The following DTNB variants were observed in gnomAD, a reference collection of about 807,000 sequenced individuals.
DTNB encodes DTN-B.
In DTNB, 63 loss-of-function variants were observed where a neutral mutation model predicts 90.7. The observed-to-expected ratio is 0.69, with a 90% confidence interval of 0.57 to 0.86. DTNB has a LOEUF of 0.86. DTNB is among the 40% of genes least tolerant of loss of function. The probability of loss-of-function intolerance (pLI) is 0.00; values close to 1 mark genes in which losing one functional copy is unlikely to be tolerated. For missense variants in DTNB, 744 were observed against 807.1 expected, an observed-to-expected ratio of 0.92 and a Z score of 0.95; for synonymous variants, 277 against 286.7, an observed-to-expected ratio of 0.97 and a Z score of 0.34.
intron 9 of DTNB, among the ~76,000 whole-genome samples, chr2:25,527,130 G>C (rs907424552): frequency 9.2e-5 from 14 of 152,086 alleles, no homozygotes; most frequent in Admixed American, 7.9e-4. Flanking sequence ...TACCCAGATA[G>C]GGTTCAGATA....
intron 9 of DTNB, among the ~76,000 whole-genome samples, chr2:25,505,596 G>A (rs1050292004): frequency 1.3e-5 from 2 of 151,752 alleles, no homozygotes; most frequent in Non-Finnish European, 2.9e-5. Context: ...CCTTTCTTGG[G>A]AAAGATCAAC....
Position 25,577,100 on chromosome 2 carries a change from A to AAT in DTNB, c.710-98_710-97dup, listed in dbSNP as rs779683840. The AAT allele has an allele frequency of 2.5e-5, 31 of 1,250,456 alleles. No homozygotes were observed. The East Asian group carries it at 2.9e-4, about 12-fold the overall frequency. 77.5% of individuals were successfully genotyped at this position (1,250,456 alleles called of 1,614,324 possible). On this transcript the variant is annotated intron_variant, in intron 7 of 20. Transcript: ENST00000406818. ...AAAATTTCACTTGGAGAATGAAGTC[A>AAT]ATACAGAGGAATACCAAAACTAATA... is the stretch of plus-strand genomic sequence containing the variant.
At chr2:25,452,145 C>T (rs1024989762) in intron 11 of DTNB, among the ~76,000 whole-genome samples, 2 of 152,204 alleles carry the variant, frequency 1.3e-5, no homozygotes, top group Non-Finnish European at 2.9e-5. Flanking sequence ...CCTTTTCATG[C>T]CCCTTTCTCT....
intron 1 of DTNB, chr2:25,653,063 A>G (rs922738349): frequency 2.6e-5 from 4 of 154,736 alleles, no homozygotes; most frequent in Non-Finnish European, 5.7e-5. Flanking sequence ...AATAAAGGAC[A>G]TAAGAACAGT....
chr2:25,569,020 C>T (rs950235499), intron 8 of DTNB, among the ~76,000 whole-genome samples: 18 of 152,188 alleles, frequency 1.2e-4, no homozygotes, highest in African/African-American at 4.3e-4. Context: ...AGGTGAGAAG[C>T]ACAAGCCACA....
At chr2:25,473,590 G>A (rs1014774878) in intron 10 of DTNB, among the ~76,000 whole-genome samples, 1 of 152,210 alleles carries the variant, frequency 6.6e-6, no homozygotes, top group Non-Finnish European at 1.5e-5. Flanking sequence ...GTGTGCGCAT[G>A]TATGCATGTC....
At chr2:25,388,515 C>T in intron 16 of DTNB, 154 bp from the exon 17 acceptor site, 3 of 1,045,496 alleles carry the variant, frequency 2.9e-6, no homozygotes, top group East Asian at 2.8e-5. Flanking sequence ...AGGCTGCTTC[C>T]AAGACTGGAG....
chr2:25,499,216 A>T (rs992236654), intron 9 of DTNB, among the ~76,000 whole-genome samples: 1 of 151,902 alleles, frequency 6.6e-6, no homozygotes, highest in African/African-American at 2.4e-5. Context: ...AACAAAAACA[A>T]CCATATCAGG....
intron 12 of DTNB, among the ~76,000 whole-genome samples, chr2:25,444,250 C>T (rs34825449): frequency 0.35 from 53,633 of 151,884 alleles, 10,770 homozygotes; most frequent in Non-Finnish European, 0.46. Flanking sequence ...AATTTAGGAC[C>T]GGGCGCGGTG....
intron 16 of DTNB, among the ~76,000 whole-genome samples, chr2:25,394,868 A>G (rs920886906): frequency 6.6e-6 from 1 of 152,224 alleles, no homozygotes; most frequent in Admixed American, 6.5e-5. Flanking sequence ...TGATCCAGCA[A>G]TCCCATTACT....
intron 9 of DTNB, among the ~76,000 whole-genome samples, chr2:25,523,135 A>G (rs1005730984): frequency 2.0e-5 from 3 of 152,222 alleles, no homozygotes; most frequent in African/African-American, 7.2e-5. Context: ...AATTAAAAGG[A>G]TCTCATGAAC....
chr2:25,456,371 C>T (rs140500723), intron 10 of DTNB, among the ~76,000 whole-genome samples: 47 of 152,300 alleles, frequency 3.1e-4, no homozygotes, highest in Admixed American at 2.9e-3. Flanking sequence ...ACATTTCACA[C>T]AACCTAACAC....
At chr2:25,471,204 CA>C (rs1391644773) in intron 10 of DTNB, among the ~76,000 whole-genome samples, 1 of 152,200 alleles carries the variant, frequency 6.6e-6, no homozygotes, top group East Asian at 1.9e-4. Flanking sequence ...TTCTCTGGCA[CA>C]GCCAGGTTAT....
intron 10 of DTNB, among the ~76,000 whole-genome samples, chr2:25,466,307 C>T (rs1028233833): frequency 7.2e-5 from 11 of 152,174 alleles, no homozygotes; most frequent in African/African-American, 2.7e-4. Flanking sequence ...TGTACTCCAG[C>T]CTGGGCAACA....
intron 5 of DTNB, among the ~76,000 whole-genome samples, chr2:25,606,655 CTT>C (rs1011224303): frequency 6.6e-6 from 1 of 152,086 alleles, no homozygotes. Context: ...AATTTCATCT[CTT>C]TTGATTTCAT....
intron 1 of DTNB, among the ~76,000 whole-genome samples, chr2:25,666,726 C>T (rs977284979): frequency 6.6e-6 from 1 of 152,046 alleles, no homozygotes; most frequent in Non-Finnish European, 1.5e-5. Flanking sequence ...CACAAAGTTG[C>T]AAGCAGGACT....
In DTNB at chr2:25,427,619, A is replaced by T; in HGVS notation, c.1470T>A (p.Asp490Glu). The stretch of plus-strand genomic sequence containing the variant: ...GGGCCGACATCCTCTGCTCCAGTTC[A>T]TCCTTCCTTTGCCTATCCAAGACGA... ...AELRLLRQRK[D>E]ELEQRMSALQ... The change falls in exon 15 of 21, where the codon GAT becomes GAA. Residue 490 changes from aspartate (D) to glutamate (E), a missense_variant. Coordinates refer to ENST00000406818, the MANE Select transcript of DTNB (RefSeq NM_021907.5). 1 of 1,613,276 alleles carries T rather than the reference A, an allele frequency of 6.2e-7. No homozygotes were observed. The highest frequency in any genetic ancestry group is 8.5e-7 in the Non-Finnish European group (1 of 1,179,800).
intron 8 of DTNB, among the ~76,000 whole-genome samples, chr2:25,557,045 C>T (rs550482971): frequency 5.3e-5 from 8 of 152,300 alleles, no homozygotes; most frequent in African/African-American, 1.9e-4. Context: ...AGACAGCAGA[C>T]AGTTCTCTGG....
chr2:25,394,493 T>C (rs1221841324), intron 16 of DTNB, among the ~76,000 whole-genome samples: 1 of 152,082 alleles, frequency 6.6e-6, no homozygotes, highest in Admixed American at 6.5e-5. Context: ...AAACTATACA[T>C]CTGACACAGG....
Sources: gnomAD v4.1 joint callset for allele counts (sites outside exome capture counted in the v4.1 genomes callset) on GRCh38, gnomAD v4.1.1 for gene constraint, MANE v1.5 for transcripts, NCBI Gene and HGNC (gene_info 2026-07-23, HGNC 2026-07-21) for gene names.